The following RANBP3 variants were observed in gnomAD, a reference collection of about 807,000 sequenced individuals.
RANBP3 encodes ran-binding protein 3.
RANBP3 carries 14 observed loss-of-function variants against 77.3 expected under a neutral mutation model. The observed-to-expected ratio is 0.18, with a 90% CI of 0.12 to 0.28. The LOEUF is 0.28. Among genes scored for constraint, RANBP3 ranks in the 10% least tolerant of loss-of-function variants. RANBP3 has a pLI of 1.00. For synonymous variants in RANBP3, 315 were observed against 312.4 expected (o/e 1.01, Z -0.09); for missense variants, 586 against 752.3 (o/e 0.78, Z 2.59).
chr19:5,931,485 C>G lies in RANBP3; in HGVS notation c.612G>C (p.Thr204=). Reference sequence around the variant, plus strand: ...CAGGGGATGCTGCGGGCACTGCCCCCGTGCAGTCTGCTGGGAGGCTGACCC... The same window carrying G: ...CAGGGGATGCTGCGGGCACTGCCCCGGTGCAGTCTGCTGGGAGGCTGACCC... ...TNGVSLPADC[T]GAVPAASPDT... Residue 204 remains threonine (T), a synonymous_variant, in exon 8 of 17, where the codon ACG becomes ACC. Coordinates refer to ENST00000340578, the MANE Select transcript of RANBP3 (RefSeq NM_007322.3). The G allele has an allele frequency of 1.2e-6, 2 of 1,612,704 alleles. No homozygotes were observed. The highest frequency in any genetic ancestry group is 8.5e-7 in the Non-Finnish European group (1 of 1,179,414).
rs1024402288 is a variant in RANBP3 at position 5,959,858 on chromosome 19, G to C, written c.23-1885C>G. On this transcript the variant is annotated intron_variant, in intron 1 of 16. Transcript: ENST00000340578. This position sits in a 1 kb window ranked among gnomAD's most constrained non-coding sequence, Gnocchi z 5.1. ...TGACAAGATGCACAGGAAGGAGCCA[G>C]GGTTTGAGCCAGCTTGGCACTCTCC... Among the ~76,000 whole-genome samples, 5 of 152,112 alleles carry C rather than the reference G, an allele frequency of 3.3e-5. No individual in the cohort carries two copies. Among genetic ancestry groups the C allele is most frequent in the South Asian group, 2.1e-4 (1 of 4,826 alleles).
At chr19:5,918,387 A>AGGGGGGGGGGGGGGGGGGGGGGG in intron 15 of RANBP3, 109 bp downstream of exon 15, 10 of 529,920 alleles carry the variant, frequency 1.9e-5, no homozygotes, top group Middle Eastern at 6.4e-4. Flanking sequence ...AAGCAACTGA[A>AGGGGGGGGGGGGGGGGGGGGGGG]GCCCCTCCCC....
intron 5 of RANBP3, among the ~76,000 whole-genome samples, chr19:5,935,493 A>C (rs983408897): frequency 6.6e-6 from 1 of 152,268 alleles, no homozygotes; most frequent in Non-Finnish European, 1.5e-5. Context: ...TTAAAAGGTC[A>C]AATTCACAAT....
At chr19:5,939,289 T>C (rs1391291228) in intron 5 of RANBP3, among the ~76,000 whole-genome samples, 5 of 152,216 alleles carry the variant, frequency 3.3e-5, no homozygotes, top group Admixed American at 2.0e-4. Context: ...TAGAGCTCCA[T>C]GCAACCAGGC....
At chr19:5,941,581 C>A in intron 5 of RANBP3, 40 bp downstream of exon 5, 1 of 1,537,460 alleles carries the variant, frequency 6.5e-7, no homozygotes, top group Non-Finnish European at 9.0e-7. Flanking sequence ...GGTTTGTAAG[C>A]ATAAACGCTT....
intron 2 of RANBP3, among the ~76,000 whole-genome samples, chr19:5,954,883 C>G (rs1450963411): frequency 6.6e-6 from 1 of 152,198 alleles, no homozygotes; most frequent in Non-Finnish European, 1.5e-5. Context: ...TCCCCAGTGG[C>G]AGAAAGGACT....
At chr19:5,977,684 G>A (rs2058612250) in intron 1 of RANBP3, among the ~76,000 whole-genome samples, 1 of 152,206 alleles carries the variant, frequency 6.6e-6, no homozygotes, top group Non-Finnish European at 1.5e-5. Flanking sequence ...GAGGGAGCGT[G>A]GCGCGCTCCG....
intron 3 of RANBP3, among the ~76,000 whole-genome samples, chr19:5,942,355 A>AAAG: frequency 6.6e-6 from 1 of 152,316 alleles, no homozygotes; most frequent in Admixed American, 6.5e-5. Flanking sequence ...GTTTTGGACC[A>AAAG]AAGCCCACTT....
At chr19:5,927,493 G>A (rs528526927) in intron 9 of RANBP3, among the ~76,000 whole-genome samples, 1 of 152,364 alleles carries the variant, frequency 6.6e-6, no homozygotes, top group South Asian at 2.1e-4. Flanking sequence ...GGTGGGTGGA[G>A]GCCAGTGATG....
intron 1 of RANBP3, among the ~76,000 whole-genome samples, chr19:5,962,163 CCTCT>C (rs988509487): frequency 6.6e-6 from 1 of 151,910 alleles, no homozygotes; most frequent in African/African-American, 2.4e-5. Context: ...TGAACTAGGC[CCTCT>C]CTCTGTCATT....
At chr19:5,919,687 T>A (rs914018695) in intron 14 of RANBP3, among the ~76,000 whole-genome samples, 2 of 151,672 alleles carry the variant, frequency 1.3e-5, no homozygotes, top group African/African-American at 4.8e-5. Flanking sequence ...TCACCTGAGG[T>A]CAGGAGTTCG....
intron 14 of RANBP3, chr19:5,920,817 G>A (rs957450973): frequency 1.3e-5 from 2 of 156,900 alleles, no homozygotes; most frequent in African/African-American, 4.8e-5. Flanking sequence ...CAAAGTGCTG[G>A]GGTTACAGGC....
chr19:5,938,083 G>A (rs2058089344), intron 5 of RANBP3, among the ~76,000 whole-genome samples: 2 of 152,180 alleles, frequency 1.3e-5, no homozygotes. Context: ...TTTGCTTTTA[G>A]AGTCAAAATG....
chr19:5,958,096 A>G lies in RANBP3; in HGVS notation c.23-123T>C. 1 of 890,004 alleles carries G rather than the reference A, an allele frequency of 1.1e-6. No individual in the cohort carries two copies. The allele number at this position is 890,004 out of a possible 1,614,324, so 55.1% of individuals were successfully genotyped here. A position where few individuals can be genotyped will look rare whatever the true frequency, so the allele number is the denominator to read the frequency against. On this transcript the variant is annotated intron_variant, in intron 1 of 16. Coordinates refer to ENST00000340578, the MANE Select transcript of RANBP3 (RefSeq NM_007322.3). The surrounding 1 kb of genome is among the most constrained non-coding windows in gnomAD (Gnocchi z 4.4). ...GAAACTAGTAACTCCAGAGAACATC[A>G]AATCACTTAGAACAGCGTCTTGACT...
At chr19:5,964,128 C>CA (rs2058436153) in intron 1 of RANBP3, among the ~76,000 whole-genome samples, 2 of 152,230 alleles carry the variant, frequency 1.3e-5, no homozygotes, top group Non-Finnish European at 2.9e-5. Flanking sequence ...GGCTCCGATG[C>CA]AAAATGGGAC....
intron 5 of RANBP3, 189 bp from the exon 6 acceptor site, chr19:5,933,668 G>C (rs2058026349): frequency 1.9e-6 from 1 of 539,308 alleles, no homozygotes; most frequent in African/African-American, 1.9e-5. Context: ...TGGAGGAGGG[G>C]AGAGACAAGG....
rs1204757054 is a variant in RANBP3 at position 5,920,918 on chromosome 19, C to G, written c.1330+283G>C. ...TTTCCTTTCTATCATAAACCTGCCA[C>G]TTTGTCAGAAAATCAGCTTAAAAAC... On this transcript the variant is annotated intron_variant, in intron 14 of 16. Coordinates refer to ENST00000340578, the MANE Select transcript of RANBP3 (RefSeq NM_007322.3). 3 of 257,332 alleles carry G rather than the reference C, an allele frequency of 1.2e-5. No individual in the cohort carries two copies. The South Asian group carries it at 2.5e-4, about 22-fold the overall frequency. The allele number at this position is 257,332 out of a possible 1,614,324, so 15.9% of individuals were successfully genotyped here.
Position 5,928,049 on chromosome 19 carries a change from A to T in RANBP3, c.732T>A (p.Ser244=), listed in dbSNP as rs1352573481. The T allele has an allele frequency of 6.2e-7, 1 of 1,613,790 alleles. No individual in the cohort carries two copies. The highest frequency in any genetic ancestry group is 1.3e-5 in the African/African-American group (1 of 74,900). Residue 244 remains serine, a synonymous_variant, in exon 9 of 17, where the codon TCT becomes TCA. Transcript: ENST00000340578. ...CTTTTTTCTCACAGGCTTCCTCTTC[A>T]GAGGCATTGCTGGACTCATTTTTCT... is the stretch of plus-strand genomic sequence containing the variant. ...EPQKNESSNA[S]EEEACEKKDP...
At chr19:5,977,395 T>C (rs2058606169) in intron 1 of RANBP3, among the ~76,000 whole-genome samples, 2 of 151,778 alleles carry the variant, frequency 1.3e-5, no homozygotes, top group Admixed American at 6.6e-5. Flanking sequence ...TGTCTGGAAG[T>C]GCAGCAAAAA....
Sources: gnomAD v4.1 joint callset for allele counts (sites outside exome capture counted in the v4.1 genomes callset) on GRCh38, gnomAD v4.1.1 for gene constraint, Gnocchi (gnomAD v3.1) non-coding constraint, MANE v1.5 for transcripts, NCBI Gene and HGNC (gene_info 2026-07-23, HGNC 2026-07-21) for gene names.